UGT1A1: variants seen among roughly 807,000 people sequenced by gnomAD.
UGT1A1 encodes UDP-glucuronosyltransferase 1A1.
UGT1A1 carries 33 observed loss-of-function variants against 40.6 expected under a neutral mutation model. The observed-to-expected ratio is 0.81, with a 90% CI of 0.62 to 1.09. The LOEUF (loss-of-function observed/expected upper bound fraction) is 1.09. UGT1A1 is among the 50% of genes least tolerant of loss of function. The pLI is 0.00. For synonymous variants in UGT1A1, 249 were observed against 265.0 expected (o/e 0.94, Z 0.59); for missense variants, 694 against 671.2 (o/e 1.03, Z -0.38).
intron 1 of UGT1A1, among the ~76,000 whole-genome samples, chr2:233,761,829 G>C (rs1171169931): frequency 6.6e-6 from 1 of 152,178 alleles, no homozygotes; most frequent in Non-Finnish European, 1.5e-5. Context: ...CCTTCAGATG[G>C]AGCGTTAGGG....
chr2:233,772,614 C>A lies in UGT1A1; in HGVS notation c.*55C>A, dbSNP rs1700539224. On this transcript the variant is annotated 3_prime_UTR_variant, in exon 5 of 5. Transcript: ENST00000305208. ...GAACCATTCCCTAGTCATTTCCAAA[C>A]TTGAAAACAGAATCAGTGTTAAATT... The A allele has an allele frequency of 3.2e-6, 5 of 1,575,710 alleles. No homozygotes were observed. The highest frequency in any genetic ancestry group is 4.3e-6 in the Non-Finnish European group (5 of 1,159,842).
At position 233,767,094 on chromosome 2, in the gene UGT1A1, T is replaced by C; in HGVS notation, c.925T>C (p.Ser309Pro). The change falls in exon 2 of 5, where the codon TCA (serine) becomes CCA (proline). Residue 309 changes from serine (S) to proline (P), a missense_variant. Ser to Pro is a moderately conservative substitution (Grantham distance 74). Transcript: ENST00000305208. ...EHGIVVFSLG[S>P]MVSEIPEKKA... is the part of the protein sequence containing the mutation. The stretch of plus-strand genomic sequence containing the variant: ...TGGAATTGTGGTTTTCTCTTTGGGA[T>C]CAATGGTCTCAGAAATTCCAGAGAA... The C allele has an allele frequency of 1.2e-6, 2 of 1,614,120 alleles. No individual in the cohort carries two copies. The highest frequency in any genetic ancestry group is 1.7e-6 in the Non-Finnish European group (2 of 1,180,014).
chr2:233,760,671 C>T lies in UGT1A1; in HGVS notation c.384C>T (p.Ser128=). ...CTGCTATGCTTTTGTCTGGCTGTTC[C>T]CACTTACTGCACAACAAGGAGCTCA... ...KDSAMLLSGC[S]HLLHNKELMA... is the part of the protein sequence containing the mutation. The change falls in exon 1 of 5, where the codon TCC becomes TCT. Residue 128 remains serine, a synonymous_variant. Transcript: ENST00000305208. 1 of 1,614,146 alleles carries T rather than the reference C, an allele frequency of 6.2e-7. No homozygotes were observed. The highest frequency in any genetic ancestry group is 8.5e-7 in the Non-Finnish European group (1 of 1,180,026).
At position 233,760,795 on chromosome 2, in the gene UGT1A1, T is replaced by C. The variant is rs1035248479; in HGVS notation, c.508T>C (p.Phe170Leu). Residue 170 changes from phenylalanine to leucine, a missense_variant, in exon 1 of 5, where the codon TTC becomes CTC. By Grantham distance (22) the Phe-to-Leu change is conservative (BLOSUM62 0). Coordinates refer to ENST00000305208, the MANE Select transcript of UGT1A1 (RefSeq NM_000463.3). ...VAQYLSLPTV[F>L]FLHALPCSLE... ...CCAGTACCTGTCTCTGCCCACTGTATTCTTCTTGCATGCACTGCCATGCAG... is the reference window on the plus strand; with the variant it reads ...CCAGTACCTGTCTCTGCCCACTGTACTCTTCTTGCATGCACTGCCATGCAG... The C allele has an allele frequency of 1.2e-5, 19 of 1,613,472 alleles. No individual in the cohort carries two copies. Among genetic ancestry groups the C allele is most frequent in the Non-Finnish European group, 1.5e-5 (18 of 1,179,588 alleles).
rs201093245 is a variant in UGT1A1, at chr2:233,760,862, A to G, written c.575A>G (p.Tyr192Cys). ...ACCCAGTGCCCCAACCCATTCTCCT[A>G]CGTGCCCAGGCCTCTCTCCTCTCAT... is the stretch of plus-strand genomic sequence containing the variant. ...EATQCPNPFSYVPRPLSSHSD... is the reference protein window; with the variant it reads ...EATQCPNPFSCVPRPLSSHSD... Residue 192 changes from tyrosine to cysteine, a missense_variant, in exon 1 of 5, where the codon TAC becomes TGC. By Grantham distance (194) the Tyr-to-Cys change is radical. Transcript: ENST00000305208. 6.2e-7 allele frequency: 1 copy of G among 1,614,000 alleles called. No homozygotes were observed. The highest frequency in any genetic ancestry group is 1.7e-5 in the Admixed American group (1 of 60,012).
intron 3 of UGT1A1, 26 bp downstream of exon 3, chr2:233,767,962 G>C (rs775218208): frequency 6.2e-7 from 1 of 1,614,120 alleles, no homozygotes; most frequent in Non-Finnish European, 8.5e-7. Context: ...TGGATGTATA[G>C]GTCAAACCAG....
chr2:233,762,546 T>C (rs1698100771), intron 1 of UGT1A1, among the ~76,000 whole-genome samples: 1 of 152,252 alleles, frequency 6.6e-6, no homozygotes. Context: ...CCACAGTGTA[T>C]TCTGCTGGAG....
Position 233,768,056 on chromosome 2 carries a change from T to G in UGT1A1, c.1084+120T>G, listed in dbSNP as rs35523971. The G allele has an allele frequency of 3.2e-4, 515 of 1,603,390 alleles. No homozygotes were observed. In the African/African-American group the frequency reaches 5.5e-3, roughly 17 times the overall value. On this transcript the variant is annotated intron_variant, in intron 3 of 4. Transcript: ENST00000305208. The stretch of plus-strand genomic sequence containing the variant: ...ATATTATGGCCAACATATCCTACAT[T>G]GCTTTTTATCTAGTGGGGTATCTCA...
Position 233,760,971 on chromosome 2 carries a change from C to A in UGT1A1, c.684C>A (p.Ser228=), listed in dbSNP as rs773436128. ...SQNFLCDVVY[S]PYATLASEFL... is the part of the protein sequence containing the mutation. Reference sequence around the variant, plus strand: ...ACTTTCTGTGCGACGTGGTTTATTCCCCGTATGCAACCCTTGCCTCAGAAT... The same window carrying A: ...ACTTTCTGTGCGACGTGGTTTATTCACCGTATGCAACCCTTGCCTCAGAAT... Residue 228 remains serine, a synonymous_variant, in exon 1 of 5, where the codon TCC becomes TCA. Transcript: ENST00000305208. The A allele has an allele frequency of 6.2e-7, 1 of 1,614,154 alleles. No individual in the cohort carries two copies. Among genetic ancestry groups the A allele is most frequent in the Non-Finnish European group, 8.5e-7 (1 of 1,180,036 alleles).
At chr2:233,765,711 T>TTAATAATAATAA (rs10664358) in intron 1 of UGT1A1, among the ~76,000 whole-genome samples, 10 of 149,240 alleles carry the variant, frequency 6.7e-5, no homozygotes, top group East Asian at 2.0e-4. Flanking sequence ...ATAATAATAA[T>TTAATAATAATAA]TAATAATAAT....
chr2:233,767,131 C>T lies in UGT1A1; in HGVS notation c.962C>T (p.Ala321Val). The change falls in exon 2 of 5, where the codon GCA becomes GTA. Residue 321 changes from alanine to valine, a missense_variant. Coordinates refer to ENST00000305208, the MANE Select transcript of UGT1A1 (RefSeq NM_000463.3). ...VSEIPEKKAM[A>V]IADALGKIPQ... The stretch of plus-strand genomic sequence containing the variant: ...GAAATTCCAGAGAAGAAAGCTATGG[C>T]AATTGCTGATGCTTTGGGCAAAATC... 1 of 1,614,090 alleles carries T rather than the reference C, an allele frequency of 6.2e-7. No individual in the cohort carries two copies. The highest frequency in any genetic ancestry group is 8.5e-7 in the Non-Finnish European group (1 of 1,180,014).
In UGT1A1 at chr2:233,760,948, T is replaced by G. The variant is rs746225571; in HGVS notation, c.661T>G (p.Phe221Val). 4.3e-6 allele frequency: 7 copies of G among 1,614,204 alleles called. No homozygotes were observed. Among genetic ancestry groups the G allele is most frequent in the Non-Finnish European group, 5.9e-6 (7 of 1,180,042 alleles). ...KNMLIAFSQN[F>V]LCDVVYSPYA... ...CATGCTCATTGCCTTTTCACAGAAC[T>G]TTCTGTGCGACGTGGTTTATTCCCC... Residue 221 changes from phenylalanine (F) to valine (V), a missense_variant, in exon 1 of 5, where the codon TTT (phenylalanine) becomes GTT (valine). Physicochemically the swap from Phe to Val is conservative, Grantham distance 50. Transcript: ENST00000305208.
Position 233,760,737 on chromosome 2 carries a change from G to A in UGT1A1, c.450G>A (p.Thr150=), listed in dbSNP as rs561827445. The stretch of plus-strand genomic sequence containing the variant: ...AAAGCAGCTTTGATGTCATGCTGAC[G>A]GACCCTTTCCTTCCTTGCAGCCCCA... ...LAESSFDVML[T]DPFLPCSPIV... is the part of the protein sequence containing the mutation. Residue 150 remains threonine, a synonymous_variant, in exon 1 of 5, where the codon ACG becomes ACA. Coordinates refer to ENST00000305208, the MANE Select transcript of UGT1A1 (RefSeq NM_000463.3). 10 of 1,614,138 alleles carry A rather than the reference G, an allele frequency of 6.2e-6. No homozygotes were observed. The highest frequency in any genetic ancestry group is 4.4e-5 in the South Asian group (4 of 91,080).
At position 233,769,954 on chromosome 2, in the gene UGT1A1, T is replaced by G. The variant is rs1348335811; in HGVS notation, c.1304+1515T>G. 3 of 220,032 alleles carry G rather than the reference T, an allele frequency of 1.4e-5. No individual in the cohort carries two copies. The highest frequency in any genetic ancestry group is 2.3e-5 in the African/African-American group (1 of 44,160). The allele number at this position is 220,032 out of a possible 1,614,324, so 13.6% of individuals were successfully genotyped here. Reference sequence around the variant, plus strand: ...CCCATTCCTTCCTTCCAGCGGCTTCTTCTGGCCACCTCAATGTCAGGATGT... The same window carrying G: ...CCCATTCCTTCCTTCCAGCGGCTTCGTCTGGCCACCTCAATGTCAGGATGT... On this transcript the variant is annotated intron_variant, in intron 4 of 4. Coordinates refer to ENST00000305208, the MANE Select transcript of UGT1A1 (RefSeq NM_000463.3). This position sits in a 1 kb window ranked among gnomAD's most constrained non-coding sequence, Gnocchi z 4.4.
At chr2:233,768,577 TTCTTC>T in intron 4 of UGT1A1, 138 bp downstream of exon 4, 1 of 1,379,982 alleles carries the variant, frequency 7.2e-7, no homozygotes, top group Non-Finnish European at 9.4e-7. Context: ...GGATTTTTAT[TTCTTC>T]TTTTTTTTTT....
At chr2:233,771,209 T>A (rs1015017621) in intron 4 of UGT1A1, 1 of 152,162 alleles carries the variant, frequency 6.6e-6, no homozygotes. Context: ...TGGACAAATA[T>A]CCAAACTGTA....
rs115410088 is a variant in UGT1A1, at chr2:233,772,335, T to C, written c.1378T>C (p.Phe460Leu). Residue 460 changes from phenylalanine to leucine, a missense_variant, in exon 5 of 5, where the codon TTC becomes CTC. Phe to Leu is a conservative substitution (Grantham distance 22, BLOSUM62 0). Coordinates refer to ENST00000305208, the MANE Select transcript of UGT1A1 (RefSeq NM_000463.3). ...GGTGGAGCCGCTGGACCTGGCCGTG[T>C]TCTGGGTGGAGTTTGTGATGAGGCA... Reference protein sequence around the residue: ...RPVEPLDLAVFWVEFVMRHKG... With the variant: ...RPVEPLDLAVLWVEFVMRHKG... The C allele has an allele frequency of 2.5e-5, 41 of 1,614,238 alleles. No individual in the cohort carries two copies. Among genetic ancestry groups the C allele is most frequent in the Non-Finnish European group, 3.4e-5 (40 of 1,180,030 alleles).
intron 1 of UGT1A1, among the ~76,000 whole-genome samples, chr2:233,766,453 G>C (rs1699157656): frequency 6.6e-6 from 1 of 152,214 alleles, no homozygotes; most frequent in Non-Finnish European, 1.5e-5. Context: ...TGCCTGCTAG[G>C]GTCTTGGGGT....
rs145239529 is a variant in UGT1A1, at chr2:233,769,464, C to CGT, written c.1304+1039_1304+1040dup. ...GGGTGCACACGTGTGCATTCATATGCGTGTGTGTGTGTGTGCGTGTGTTTA... is the reference window on the plus strand; with the variant it reads ...GGGTGCACACGTGTGCATTCATATGCGTGTGTGTGTGTGTGTGCGTGTGTTTA... On this transcript the variant is annotated intron_variant, in intron 4 of 4. Coordinates refer to ENST00000305208, the MANE Select transcript of UGT1A1 (RefSeq NM_000463.3). This position sits in a 1 kb window ranked among gnomAD's most constrained non-coding sequence, Gnocchi z 4.4. 1.1e-3 allele frequency: 1,584 copies of CGT among 1,481,010 alleles called. 6 individuals are homozygous for CGT. The African/African-American group carries it at 0.012, about 11-fold the overall frequency. 91.7% of individuals were successfully genotyped at this position (1,481,010 alleles called of 1,614,324 possible).
Sources: allele counts gnomAD v4.1 joint callset (sites outside exome capture counted in the v4.1 genomes callset), GRCh38; gene constraint gnomAD v4.1.1; non-coding constraint Gnocchi (gnomAD v3.1); transcripts MANE v1.5; gene names NCBI Gene and HGNC (gene_info 2026-07-23, HGNC 2026-07-21).